The following FSTL4 variants were observed in gnomAD, a reference collection of about 807,000 sequenced individuals.
FSTL4 encodes follistatin like 4.
A neutral mutation model predicts 78.2 loss-of-function variants in FSTL4; 28 were observed. That is an observed-to-expected ratio of 0.36 (90% CI 0.27 to 0.49). The LOEUF is 0.49. FSTL4 is among the 20% of genes least tolerant of loss of function. The probability of loss-of-function intolerance (pLI) is 0.98; values close to 1 mark genes in which losing one functional copy is unlikely to be tolerated. For synonymous variants in FSTL4, 422 were observed against 440.5 expected (o/e 0.96, Z 0.53); for missense variants, 922 against 1,084.9 (o/e 0.85, Z 2.11).
At chr5:133,839,853 A>G in the FSTL4 span, among the ~76,000 whole-genome samples, 1 of 152,330 alleles carries the variant, frequency 6.6e-6, no homozygotes, top group East Asian at 1.9e-4. Flanking sequence ...AAGTTTTTAA[A>G]AGGCTTTTGT....
At chr5:133,401,930 A>G (rs998949616) in intron 3 of FSTL4, among the ~76,000 whole-genome samples, 7 of 152,090 alleles carry the variant, frequency 4.6e-5, no homozygotes, top group Admixed American at 2.0e-4. Context: ...TAGGTACACT[A>G]CTGTAGGCAC....
intron 4 of FSTL4, among the ~76,000 whole-genome samples, chr5:133,373,244 G>A (rs946182176): frequency 4.6e-5 from 7 of 152,314 alleles, no homozygotes; most frequent in South Asian, 4.1e-4. Flanking sequence ...CGGCTATTAC[G>A]AAGAGCCCCC....
At chr5:133,575,896 A>T (rs2112952634) in intron 2 of FSTL4, among the ~76,000 whole-genome samples, 1 of 152,344 alleles carries the variant, frequency 6.6e-6, no homozygotes, top group South Asian at 2.1e-4. Flanking sequence ...TTTTTCATTC[A>T]CTGCTCATAA....
intron 4 of FSTL4, among the ~76,000 whole-genome samples, chr5:133,374,878 C>T (rs1309687397): frequency 6.6e-6 from 1 of 152,138 alleles, no homozygotes; most frequent in Non-Finnish European, 1.5e-5. Flanking sequence ...CTTTAAGCCA[C>T]TTAGACTATG....
intron 3 of FSTL4, among the ~76,000 whole-genome samples, chr5:133,539,412 T>C (rs989460368): frequency 6.6e-6 from 1 of 152,074 alleles, no homozygotes; most frequent in Non-Finnish European, 1.5e-5. Context: ...TCATGTGAGG[T>C]TCCTAGGATT....
At chr5:133,434,799 T>G (rs1366968665) in intron 3 of FSTL4, among the ~76,000 whole-genome samples, 1 of 150,022 alleles carries the variant, frequency 6.7e-6, no homozygotes, top group Non-Finnish European at 1.5e-5. Context: ...TAAAAATTGC[T>G]GATTTCATGG....
chr5:133,204,110 G>T (rs1285773870), intron 14 of FSTL4, among the ~76,000 whole-genome samples: 2 of 152,212 alleles, frequency 1.3e-5, no homozygotes, highest in Non-Finnish European at 2.9e-5. Flanking sequence ...CCCTCAGAGG[G>T]GTGTATGAAG....
At chr5:133,685,791 C>G in the FSTL4 span, among the ~76,000 whole-genome samples, 11 of 152,226 alleles carry the variant, frequency 7.2e-5, no homozygotes, top group Non-Finnish European at 7.3e-5. Context: ...GGGACAGATG[C>G]CTGTGAAATC....
the FSTL4 span, among the ~76,000 whole-genome samples, chr5:133,694,969 A>T: frequency 2.6e-5 from 4 of 152,108 alleles, no homozygotes; most frequent in African/African-American, 9.7e-5. Flanking sequence ...GGGCTTCAAC[A>T]TACAAATTGG....
At chr5:133,518,480 C>T (rs549151879) in intron 3 of FSTL4, among the ~76,000 whole-genome samples, 15 of 152,132 alleles carry the variant, frequency 9.9e-5, no homozygotes, top group Non-Finnish European at 1.6e-4. Context: ...AATGTTAGCA[C>T]CCAGCAAAGG....
chr5:133,360,473 A>ATTTT (rs57176651), intron 4 of FSTL4, among the ~76,000 whole-genome samples: 1 of 131,014 alleles, frequency 7.6e-6, no homozygotes, highest in East Asian at 2.1e-4. Flanking sequence ...TCAGGCAATA[A>ATTTT]TTTTTTTTTT....
At chr5:133,232,729 G>A (rs1193028288) in intron 8 of FSTL4, among the ~76,000 whole-genome samples, 1 of 152,176 alleles carries the variant, frequency 6.6e-6, no homozygotes, top group East Asian at 1.9e-4. Context: ...AATCATCCAT[G>A]AACTGGATTA....
At chr5:133,321,282 C>T (rs578217753) in intron 4 of FSTL4, among the ~76,000 whole-genome samples, 4 of 152,208 alleles carry the variant, frequency 2.6e-5, no homozygotes, top group Non-Finnish European at 5.9e-5. Flanking sequence ...TCATCTTGGC[C>T]TCTGCTTAAA....
intron 6 of FSTL4, among the ~76,000 whole-genome samples, chr5:133,294,873 G>A (rs868765190): frequency 6.6e-6 from 1 of 152,228 alleles, no homozygotes; most frequent in African/African-American, 2.4e-5. Flanking sequence ...TCACTGGAAT[G>A]ATACTGTTGC....
intron 3 of FSTL4, among the ~76,000 whole-genome samples, chr5:133,436,894 G>C (rs77945149): frequency 6.6e-6 from 1 of 152,170 alleles, no homozygotes; most frequent in Admixed American, 6.5e-5. Context: ...TGAGAGTCTT[G>C]TTGAGAAAAA....
chr5:133,285,194 T>C (rs1416286532), intron 6 of FSTL4, among the ~76,000 whole-genome samples: 1 of 152,218 alleles, frequency 6.6e-6, no homozygotes, highest in East Asian at 1.9e-4. Flanking sequence ...TGATTATAAA[T>C]GGGCAGGGCA....
chr5:133,324,540 C>T (rs980530835), intron 4 of FSTL4, among the ~76,000 whole-genome samples: 1 of 152,260 alleles, frequency 6.6e-6, no homozygotes, highest in Non-Finnish European at 1.5e-5. Context: ...TCTCTCTTGC[C>T]AGCCTTCTCC....
chr5:133,725,960 C>G, the FSTL4 span, among the ~76,000 whole-genome samples: 2 of 152,172 alleles, frequency 1.3e-5, no homozygotes, highest in East Asian at 3.8e-4. Flanking sequence ...CACCCCTCAC[C>G]AGCATTCTCC....
At position 133,228,695 on chromosome 5, in the gene FSTL4, A is replaced by G. The variant is rs1223375774; in HGVS notation, c.1016-2876T>C. On this transcript the variant is annotated intron_variant, in intron 8 of 15. Transcript: ENST00000265342. ...AGAAGGGCCTTTGAAAAAAGTTCAA[A>G]ATCAATTTCTTGGGGAAAATCCCTC... is the stretch of plus-strand genomic sequence containing the variant. 4.6e-5 allele frequency among the ~76,000 whole-genome samples: 7 copies of G among 152,236 alleles called. No individual in the cohort carries two copies. In the South Asian group the frequency reaches 1.2e-3, roughly 27 times the overall value.
Sources: allele counts gnomAD v4.1 joint callset (sites outside exome capture counted in the v4.1 genomes callset), GRCh38; gene constraint gnomAD v4.1.1; transcripts MANE v1.5; gene names NCBI Gene and HGNC (gene_info 2026-07-23, HGNC 2026-07-21).